The following RCAN2 variants were observed in gnomAD, a reference collection of about 807,000 sequenced individuals.
RCAN2 encodes the protein calcipressin-2.
A neutral mutation model predicts 23.6 loss-of-function variants in RCAN2; 9 were observed. The observed-to-expected ratio is 0.38, with a 90% CI of 0.23 to 0.67. RCAN2 has a LOEUF of 0.67. Ranked by LOEUF, RCAN2 falls within the 30% of genes least tolerant of loss-of-function variation. The pLI is 0.51. For synonymous variants in RCAN2, 109 were observed against 115.7 expected (o/e 0.94, Z 0.37); for missense variants, 273 against 302.3 (o/e 0.90, Z 0.72).
intron 2 of RCAN2, among the ~76,000 whole-genome samples, chr6:46,440,608 A>G (rs1009612902): frequency 3.9e-5 from 6 of 152,102 alleles, no homozygotes; most frequent in Non-Finnish European, 8.8e-5. Flanking sequence ...CTTATATTAC[A>G]TATATACATA....
At chr6:46,285,684 T>A (rs542555552) in intron 2 of RCAN2, among the ~76,000 whole-genome samples, 1 of 152,388 alleles carries the variant, frequency 6.6e-6, no homozygotes, top group East Asian at 1.9e-4. Context: ...AATCATTTTA[T>A]TTTTCTACCA....
chr6:46,439,922 C>G (rs531431525), intron 2 of RCAN2, among the ~76,000 whole-genome samples: 16 of 152,196 alleles, frequency 1.1e-4, no homozygotes, highest in African/African-American at 3.9e-4. Context: ...CTTTCATGTG[C>G]CCCTTGCAAA....
Position 46,454,676 on chromosome 6 carries a change from C to T in RCAN2, c.225+2076G>A, listed in dbSNP as rs149667220. 3.5e-3 allele frequency among the ~76,000 whole-genome samples: 528 copies of T among 152,308 alleles called. 2 individuals are homozygous for T. The highest frequency in any genetic ancestry group is 8.1e-3 in the South Asian group (39 of 4,828). On this transcript the variant is annotated intron_variant, in intron 2 of 4. Transcript: ENST00000371374. ...ATCATTTGAAACTGAGTGCAATTAA[C>T]TATATTCTTGTTTATTTTGCCTCAA...
At chr6:46,458,238 G>A (rs1218445291) in intron 1 of RCAN2, among the ~76,000 whole-genome samples, 2 of 152,168 alleles carry the variant, frequency 1.3e-5, no homozygotes, top group Non-Finnish European at 2.9e-5. Context: ...ACAAATTCCA[G>A]ATCCCCAGAC....
intron 2 of RCAN2, among the ~76,000 whole-genome samples, chr6:46,381,540 A>G (rs564547791): frequency 6.6e-6 from 1 of 152,306 alleles, no homozygotes; most frequent in African/African-American, 2.4e-5. Flanking sequence ...GTTTCAGGGT[A>G]TCAAGCCCTC....
At chr6:46,482,618 T>G (rs1300800624) in intron 1 of RCAN2, among the ~76,000 whole-genome samples, 1 of 152,226 alleles carries the variant, frequency 6.6e-6, no homozygotes, top group Non-Finnish European at 1.5e-5. Flanking sequence ...AAAGTTATAC[T>G]GTCATAAAAT....
chr6:46,413,485 G>C (rs1392618617), intron 2 of RCAN2, among the ~76,000 whole-genome samples: 5 of 152,170 alleles, frequency 3.3e-5, no homozygotes, highest in Non-Finnish European at 7.3e-5. Context: ...AGCTCACTTG[G>C]AAGATATTGT....
chr6:46,467,358 G>A (rs1768416243), intron 1 of RCAN2, among the ~76,000 whole-genome samples: 4 of 152,194 alleles, frequency 2.6e-5, no homozygotes, highest in South Asian at 4.1e-4. Context: ...AAGATGACAG[G>A]AGTATATGCC....
chr6:46,375,684 T>C (rs1381726266), intron 2 of RCAN2, among the ~76,000 whole-genome samples: 1 of 152,224 alleles, frequency 6.6e-6, no homozygotes, highest in Admixed American at 6.5e-5. Flanking sequence ...GTAAATATTT[T>C]AGGCTTTGTA....
chr6:46,275,932 G>A (rs1332871439), intron 2 of RCAN2, among the ~76,000 whole-genome samples: 2 of 152,202 alleles, frequency 1.3e-5, no homozygotes, highest in Non-Finnish European at 2.9e-5. Context: ...TTTGGGCTAG[G>A]CGTGGTGGCT....
At chr6:46,451,367 T>C (rs537918096) in intron 2 of RCAN2, among the ~76,000 whole-genome samples, 1 of 152,290 alleles carries the variant, frequency 6.6e-6, no homozygotes, top group South Asian at 2.1e-4. Flanking sequence ...GGAATATTTC[T>C]ACAGAGAAAT....
chr6:46,448,719 G>A (rs1767787116), intron 2 of RCAN2, among the ~76,000 whole-genome samples: 1 of 151,800 alleles, frequency 6.6e-6, no homozygotes, highest in Non-Finnish European at 1.5e-5. Flanking sequence ...CAGAATGAAG[G>A]ATAAAAACCA....
chr6:46,437,205 T>C (rs1767398974), intron 2 of RCAN2, among the ~76,000 whole-genome samples: 3 of 152,236 alleles, frequency 2.0e-5, no homozygotes, highest in Non-Finnish European at 4.4e-5. Context: ...CATTGACCCA[T>C]AATGTTCCAT....
intron 2 of RCAN2, among the ~76,000 whole-genome samples, chr6:46,314,498 C>A (rs1238089008): frequency 2.7e-5 from 4 of 150,888 alleles, no homozygotes; most frequent in Non-Finnish European, 5.9e-5. Flanking sequence ...GGATAAGATG[C>A]CTCCTAAGCA....
At chr6:46,230,479 A>C (rs926847792) in intron 4 of RCAN2, among the ~76,000 whole-genome samples, 1 of 152,108 alleles carries the variant, frequency 6.6e-6, no homozygotes, top group African/African-American at 2.4e-5. Flanking sequence ...GCAATGGTGG[A>C]TGCCCCTCCT....
intron 2 of RCAN2, among the ~76,000 whole-genome samples, chr6:46,307,260 G>A (rs115748538): frequency 0.013 from 2,039 of 152,220 alleles, 42 homozygotes; most frequent in African/African-American, 0.043. Context: ...GTTTGCAAAC[G>A]CAAACTACTA....
chr6:46,279,224 T>C (rs1384314257), intron 2 of RCAN2, among the ~76,000 whole-genome samples: 1 of 152,214 alleles, frequency 6.6e-6, no homozygotes, highest in Non-Finnish European at 1.5e-5. Context: ...CTGTTGATTC[T>C]CACTGTACCC....
chr6:46,446,512 G>A (rs904144445), intron 2 of RCAN2, among the ~76,000 whole-genome samples: 10 of 152,132 alleles, frequency 6.6e-5, no homozygotes, highest in African/African-American at 2.2e-4. Flanking sequence ...GCATAGGAAA[G>A]TATAAAATTT....
intron 4 of RCAN2, among the ~76,000 whole-genome samples, chr6:46,243,834 C>CAAAAAAAAAAAA (rs1161436269): frequency 6.5e-5 from 4 of 61,530 alleles, no homozygotes; most frequent in Non-Finnish European, 7.0e-5. Context: ...AAAAAAAAAC[C>CAAAAAAAAAAAA]AAGAAATAAT....
Sources: allele counts gnomAD v4.1 joint callset (sites outside exome capture counted in the v4.1 genomes callset), GRCh38; gene constraint gnomAD v4.1.1; transcripts MANE v1.5; gene names NCBI Gene and HGNC (gene_info 2026-07-23, HGNC 2026-07-21).